Variants in PAK1 observed in about 807,000 individuals in gnomAD.
PAK1 encodes the protein p21 (RAC1) activated kinase 1, also known as serine/threonine-protein kinase PAK 1.
Under a neutral mutation model 67.4 loss-of-function variants are expected in PAK1, and 29 were observed. That is an observed-to-expected ratio of 0.43 (90% CI 0.32 to 0.59). The LOEUF (loss-of-function observed/expected upper bound fraction) is 0.59. PAK1 is among the 20% of genes least tolerant of loss of function. PAK1 has a pLI of 0.07. For missense variants in PAK1, 337 were observed against 670.7 expected (o/e 0.50, Z 5.50); for synonymous variants, 223 against 237.4 (o/e 0.94, Z 0.56).
intron 1 of PAK1, among the ~76,000 whole-genome samples, chr11:77,435,929 A>C (rs1343796415): frequency 6.6e-6 from 1 of 152,190 alleles, no homozygotes; most frequent in East Asian, 1.9e-4. Context: ...CCAACAAACT[A>C]AAGGGAAAAT....
At chr11:77,512,937 T>C in the PAK1 span, among the ~76,000 whole-genome samples, 1 of 151,462 alleles carries the variant, frequency 6.6e-6, no homozygotes, top group African/African-American at 2.4e-5. Context: ...CTACAGAAAA[T>C]ACAATAATTA....
chr11:77,379,329 C>T lies in PAK1; in HGVS notation c.351G>A (p.Gln117=). 1 of 1,613,998 alleles carries T rather than the reference C, an allele frequency of 6.2e-7. No individual in the cohort carries two copies. Residue 117 remains glutamine, a synonymous_variant, in exon 4 of 15, where the codon CAG becomes CAA. Coordinates refer to ENST00000356341, the MANE Select transcript of PAK1 (RefSeq NM_002576.5). ...CCAGAACAGCCTGCGGGTTTTTCTTCTGCTCCGACTTAGTGATATTTGATG... is the reference window on the plus strand; with the variant it reads ...CCAGAACAGCCTGCGGGTTTTTCTTTTGCTCCGACTTAGTGATATTTGATG... ...LQTSNITKSE[Q]KKNPQAVLDV...
chr11:77,340,273 CATAA>C (rs1943388300), intron 11 of PAK1, among the ~76,000 whole-genome samples: 1 of 151,918 alleles, frequency 6.6e-6, no homozygotes, highest in Non-Finnish European at 1.5e-5. Context: ...CCTTATAGCA[CATAA>C]ATAAAGCAAG....
chr11:77,430,423 G>A (rs542005209), intron 1 of PAK1, among the ~76,000 whole-genome samples: 3 of 152,230 alleles, frequency 2.0e-5, no homozygotes, highest in South Asian at 2.1e-4. Flanking sequence ...ATGAGTGTCC[G>A]AATAACCAGT....
At chr11:77,494,957 T>C in the PAK1 span, among the ~76,000 whole-genome samples, 3 of 150,868 alleles carry the variant, frequency 2.0e-5, no homozygotes, top group African/African-American at 7.3e-5. Flanking sequence ...AGGTCAGGGG[T>C]TCGAGACCAA....
At chr11:77,515,169 T>C in the PAK1 span, among the ~76,000 whole-genome samples, 2 of 152,244 alleles carry the variant, frequency 1.3e-5, no homozygotes, top group African/African-American at 4.8e-5. Flanking sequence ...GTTTCCATTG[T>C]ACATTTAATT....
chr11:77,467,768 C>A (rs1327602453), intron 1 of PAK1, among the ~76,000 whole-genome samples: 1 of 152,194 alleles, frequency 6.6e-6, no homozygotes, highest in African/African-American at 2.4e-5. Context: ...TTAATCTTCA[C>A]AAGAATTCTG....
chr11:77,462,142 C>A (rs923797195), intron 1 of PAK1, among the ~76,000 whole-genome samples: 1 of 151,924 alleles, frequency 6.6e-6, no homozygotes, highest in South Asian at 2.1e-4. Flanking sequence ...CTGGCTAACA[C>A]GGTGAAACCC....
Position 77,322,312 on chromosome 11 carries a change from C to T in PAK1, c.*962G>A, listed in dbSNP as rs775309702. On this transcript the variant is annotated 3_prime_UTR_variant, in exon 15 of 15. Coordinates refer to ENST00000356341, the MANE Select transcript of PAK1 (RefSeq NM_002576.5). ...GGCCACCAAATCCATCCAGAACTAA[C>T]ATGCAGTCTCTAATTTGGAGACTCT... 3 of 195,780 alleles carry T rather than the reference C, an allele frequency of 1.5e-5. No homozygotes were observed. Among genetic ancestry groups the T allele is most frequent in the Non-Finnish European group, 3.2e-5 (3 of 94,194 alleles). The allele number at this position is 195,780 out of a possible 1,614,324, so 12.1% of individuals were successfully genotyped here. A position where few individuals can be genotyped will look rare whatever the true frequency, so the allele number is the denominator to read the frequency against.
chr11:77,406,082 A>G (rs1366989649), intron 1 of PAK1, among the ~76,000 whole-genome samples: 1 of 152,130 alleles, frequency 6.6e-6, no homozygotes, highest in Non-Finnish European at 1.5e-5. Context: ...TTCTCCAGCT[A>G]TCATCCACAC....
intron 1 of PAK1, among the ~76,000 whole-genome samples, chr11:77,402,661 C>A (rs186656264): frequency 2.6e-5 from 4 of 152,214 alleles, no homozygotes; most frequent in Non-Finnish European, 5.9e-5. Flanking sequence ...TCCCAGGAAA[C>A]AATGAAATCT....
At chr11:77,503,038 C>T in the PAK1 span, among the ~76,000 whole-genome samples, 19 of 152,094 alleles carry the variant, frequency 1.2e-4, no homozygotes, top group African/African-American at 7.2e-5. Context: ...AGATGATCTT[C>T]GGGTTCCTGG....
chr11:77,490,296 C>A, the PAK1 span, among the ~76,000 whole-genome samples: 3 of 149,144 alleles, frequency 2.0e-5, no homozygotes, highest in South Asian at 6.5e-4. Context: ...GTCAGCCCCC[C>A]CACCCGGCCA....
chr11:77,461,723 T>C (rs1253302256), intron 1 of PAK1, among the ~76,000 whole-genome samples: 1 of 152,168 alleles, frequency 6.6e-6, no homozygotes, highest in African/African-American at 2.4e-5. Context: ...ATAACTAAAT[T>C]TTAAATTGAT....
chr11:77,443,197 C>T (rs1956436697), intron 1 of PAK1, among the ~76,000 whole-genome samples: 1 of 151,618 alleles, frequency 6.6e-6, no homozygotes, highest in Non-Finnish European at 1.5e-5. Context: ...GTAGCGCACG[C>T]CTGTAGTCTC....
chr11:77,358,885 C>A lies in PAK1; in HGVS notation c.597+13G>T. The A allele has an allele frequency of 6.2e-7, 1 of 1,613,290 alleles. No homozygotes were observed. Among genetic ancestry groups the A allele is most frequent in the Non-Finnish European group, 8.5e-7 (1 of 1,179,474 alleles). On this transcript the variant is annotated intron_variant, in intron 6 of 14. Transcript: ENST00000356341. Reference sequence around the variant, plus strand: ...AATAAATCACAAAACTGGCCAGGTCCCCAAAGACTCACAGATTTTGTGTGC... The same window carrying A: ...AATAAATCACAAAACTGGCCAGGTCACCAAAGACTCACAGATTTTGTGTGC...
chr11:77,400,488 C>T (rs1345685497), intron 1 of PAK1, among the ~76,000 whole-genome samples: 1 of 152,028 alleles, frequency 6.6e-6, no homozygotes, highest in African/African-American at 2.4e-5. Context: ...AGGAGGAGAC[C>T]ATCTGCTACC....
intron 1 of PAK1, among the ~76,000 whole-genome samples, chr11:77,468,430 G>T (rs1015279638): frequency 6.6e-6 from 1 of 152,110 alleles, no homozygotes; most frequent in Non-Finnish European, 1.5e-5. Flanking sequence ...CTAAAAGAAT[G>T]GGAGAGAAGA....
chr11:77,521,541 A>G, the PAK1 span, among the ~76,000 whole-genome samples: 1 of 152,240 alleles, frequency 6.6e-6, no homozygotes, highest in African/African-American at 2.4e-5. Context: ...AAAAAAAAAA[A>G]ATGTGTCAGG....
Sources: allele counts gnomAD v4.1 joint callset (sites outside exome capture counted in the v4.1 genomes callset), GRCh38; gene constraint gnomAD v4.1.1; transcripts MANE v1.5; gene names NCBI Gene and HGNC (gene_info 2026-07-23, HGNC 2026-07-21).